Variants in SESN3 observed in about 807,000 individuals in gnomAD.
The protein encoded by SESN3 is sestrin 3.
A neutral mutation model predicts 55.3 loss-of-function variants in SESN3; 21 were observed. That is an observed-to-expected ratio of 0.38 (90% CI 0.27 to 0.55). The LOEUF (loss-of-function observed/expected upper bound fraction) is 0.55. Ranked by LOEUF, SESN3 falls within the 20% of genes least tolerant of loss-of-function variation. The probability of loss-of-function intolerance (pLI) is 0.76; values close to 1 mark genes in which losing one functional copy is unlikely to be tolerated. For missense variants in SESN3, 408 were observed against 604.3 expected (o/e 0.68, Z 3.41); for synonymous variants, 181 against 203.1 (o/e 0.89, Z 0.93).
Position 95,165,748 on chromosome 11 carries a change from GACTC to G in SESN3, c.*7503_*7506del, listed in dbSNP as rs1859732759. Reference sequence around the variant, plus strand: ...CCTTTATTTCAGATGTGTTTGTCTTGACTCACTAACAGTTCCTTCTGCATCTGTC... The same window carrying G: ...CCTTTATTTCAGATGTGTTTGTCTTGACTAACAGTTCCTTCTGCATCTGTC... On this transcript the variant is annotated 3_prime_UTR_variant, in exon 10 of 10. Transcript: ENST00000536441. The G allele has an allele frequency of 6.6e-6, 1 of 152,088 alleles. No homozygotes were observed. Among genetic ancestry groups the G allele is most frequent in the Admixed American group, 6.5e-5 (1 of 15,274 alleles). The allele number at this position is 152,088 out of a possible 1,614,324, so 9.4% of individuals were successfully genotyped here.
At chr11:95,189,453 T>A (rs1860226485) in intron 4 of SESN3, among the ~76,000 whole-genome samples, 1 of 151,964 alleles carries the variant, frequency 6.6e-6, no homozygotes, top group South Asian at 2.1e-4. Flanking sequence ...CCATAGAAGT[T>A]AATTTACTAA....
chr11:95,197,352 C>G (rs1860379780), intron 1 of SESN3, among the ~76,000 whole-genome samples: 1 of 152,050 alleles, frequency 6.6e-6, no homozygotes, highest in Non-Finnish European at 1.5e-5. Flanking sequence ...CTGAGATTCT[C>G]CCTATGTAAT....
In SESN3 at chr11:95,167,975, A is replaced by G. The variant is rs1723516815; in HGVS notation, c.*5280T>C. ...CCCATGGAACATTTTTTTTCCTCCC[A>G]TAAGAACAGGATAGGAACAGAGGTT... On this transcript the variant is annotated 3_prime_UTR_variant, in exon 10 of 10. Coordinates refer to ENST00000536441, the MANE Select transcript of SESN3 (RefSeq NM_144665.4). 2 of 152,138 alleles carry G rather than the reference A, an allele frequency of 1.3e-5. No homozygotes were observed. Among genetic ancestry groups the G allele is most frequent in the African/African-American group, 4.8e-5 (2 of 41,428 alleles). 9.4% of individuals were successfully genotyped at this position (152,138 alleles called of 1,614,324 possible). A position where few individuals can be genotyped will look rare whatever the true frequency, so the allele number is the denominator to read the frequency against.
rs7930087 is a variant in SESN3, at chr11:95,170,647, T to A, written c.*2608A>T. On this transcript the variant is annotated 3_prime_UTR_variant, in exon 10 of 10. Coordinates refer to ENST00000536441, the MANE Select transcript of SESN3 (RefSeq NM_144665.4). Reference sequence around the variant, plus strand: ...ACCGCATCAGAATTTCAAGTTTGCATTGGATAAAGAGAGTTAACAGCAAAC... The same window carrying A: ...ACCGCATCAGAATTTCAAGTTTGCAATGGATAAAGAGAGTTAACAGCAAAC... 2.0e-5 allele frequency: 3 copies of A among 152,152 alleles called. No individual in the cohort carries two copies. Among genetic ancestry groups the A allele is most frequent in the Non-Finnish European group, 1.5e-5 (1 of 67,998 alleles). The allele number at this position is 152,152 out of a possible 1,614,324, so 9.4% of individuals were successfully genotyped here.
At chr11:95,181,443 A>C (rs1860057011) in intron 6 of SESN3, among the ~76,000 whole-genome samples, 1 of 152,140 alleles carries the variant, frequency 6.6e-6, no homozygotes, top group Non-Finnish European at 1.5e-5. Context: ...AGTTAAAATT[A>C]GCATTCTGAT....
At chr11:95,205,365 T>A (rs1860528650) in intron 1 of SESN3, among the ~76,000 whole-genome samples, 1 of 152,142 alleles carries the variant, frequency 6.6e-6, no homozygotes, top group Non-Finnish European at 1.5e-5. Flanking sequence ...ATATGAGCTA[T>A]TAGTAGGCTA....
At chr11:95,208,624 CA>C (rs1000567694) in intron 1 of SESN3, among the ~76,000 whole-genome samples, 20 of 151,284 alleles carry the variant, frequency 1.3e-4, no homozygotes, top group African/African-American at 4.4e-4. Flanking sequence ...TGATCCTAAG[CA>C]AAAAGAGCAA....
chr11:95,186,178 C>G lies in SESN3; in HGVS notation c.526-686G>C, dbSNP rs536687385. Among the ~76,000 whole-genome samples the G allele has an allele frequency of 9.1e-5, 11 of 120,506 alleles. No individual in the cohort carries two copies. In the East Asian group the frequency reaches 2.6e-3, roughly 29 times the overall value. The allele number at this position is 120,506 out of a possible 152,430, so 79.1% of individuals were successfully genotyped here. ...CGGTGTTCATTTTCTCTCCCTTTCTCTCTCTCTATCTCTCACTGTGTGTGT... is the reference window on the plus strand; with the variant it reads ...CGGTGTTCATTTTCTCTCCCTTTCTGTCTCTCTATCTCTCACTGTGTGTGT... On this transcript the variant is annotated intron_variant, in intron 4 of 9. Coordinates refer to ENST00000536441, the MANE Select transcript of SESN3 (RefSeq NM_144665.4).
chr11:95,221,494 T>C (rs753357062), intron 1 of SESN3, among the ~76,000 whole-genome samples: 1 of 152,210 alleles, frequency 6.6e-6, no homozygotes, highest in African/African-American at 2.4e-5. Context: ...AAATAAAATA[T>C]GTATCTAGAA....
intron 2 of SESN3, among the ~76,000 whole-genome samples, chr11:95,193,221 C>G (rs1223200805): frequency 6.6e-6 from 1 of 152,040 alleles, no homozygotes; most frequent in Non-Finnish European, 1.5e-5. Flanking sequence ...ACTGTTGACT[C>G]TGGCAATGAT....
intron 1 of SESN3, among the ~76,000 whole-genome samples, chr11:95,212,259 T>C (rs947736512): frequency 7.2e-5 from 11 of 152,132 alleles, no homozygotes; most frequent in African/African-American, 2.7e-4. Context: ...CATAATAATC[T>C]ATTAACCTCT....
chr11:95,182,048 A>C (rs1298169258), intron 6 of SESN3: 1 of 236,590 alleles, frequency 4.2e-6, no homozygotes, highest in East Asian at 1.3e-4. Context: ...TAAAATTAGA[A>C]CATAATTTTT....
chr11:95,188,007 C>A (rs1255000983), intron 4 of SESN3, among the ~76,000 whole-genome samples: 5 of 139,572 alleles, frequency 3.6e-5, no homozygotes, highest in Non-Finnish European at 7.8e-5. Flanking sequence ...CTATGTATCT[C>A]CCATGGCTTA....
chr11:95,202,938 TGAAAA>T (rs1344784979), intron 1 of SESN3, among the ~76,000 whole-genome samples: 1 of 152,052 alleles, frequency 6.6e-6, no homozygotes, highest in Non-Finnish European at 1.5e-5. Context: ...CTCAATTAGA[TGAAAA>T]GAAACTAAAA....
In SESN3 at chr11:95,191,413, A is replaced by G. The variant is rs757841024; in HGVS notation, c.333T>C (p.Ile111=). 6 of 1,611,518 alleles carry G rather than the reference A, an allele frequency of 3.7e-6. No homozygotes were observed. Among genetic ancestry groups the G allele is most frequent in the African/African-American group, 1.3e-5 (1 of 74,796 alleles). ...GAAAATAAGCACCCACCATTATTGC[A>G]ATATAGTGCCTGTATGGTAGAGGAA... ...GPLPLPYRHY[I]AIMAAARHQC... Residue 111 remains isoleucine (I), a synonymous_variant, in exon 3 of 10, where the codon ATT becomes ATC. Coordinates refer to ENST00000536441, the MANE Select transcript of SESN3 (RefSeq NM_144665.4).
intron 1 of SESN3, among the ~76,000 whole-genome samples, chr11:95,218,113 T>C (rs1419509708): frequency 6.6e-6 from 1 of 152,244 alleles, no homozygotes; most frequent in Non-Finnish European, 1.5e-5. Context: ...ACCACTATGC[T>C]AATGTTGGTT....
intron 4 of SESN3, among the ~76,000 whole-genome samples, chr11:95,186,535 T>C (rs544700637): frequency 1.1e-4 from 16 of 151,946 alleles, no homozygotes; most frequent in African/African-American, 3.6e-4. Context: ...GAATAAATTC[T>C]AGTGTTCCAT....
At position 95,170,718 on chromosome 11, in the gene SESN3, G is replaced by A. The variant is rs145907933; in HGVS notation, c.*2537C>T. On this transcript the variant is annotated 3_prime_UTR_variant, in exon 10 of 10. Transcript: ENST00000536441. Reference sequence around the variant, plus strand: ...CAACCTGAAATGCTGTGCATGCTGCGTATTAGTAGGTGCTTTAGCACCTGC... The same window carrying A: ...CAACCTGAAATGCTGTGCATGCTGCATATTAGTAGGTGCTTTAGCACCTGC... 19 of 152,282 alleles carry A rather than the reference G, an allele frequency of 1.2e-4. No homozygotes were observed. Among genetic ancestry groups the A allele is most frequent in the East Asian group, 5.8e-4 (3 of 5,178 alleles). The allele number at this position is 152,282 out of a possible 1,614,324, so 9.4% of individuals were successfully genotyped here. A position where few individuals can be genotyped will look rare whatever the true frequency, so the allele number is the denominator to read the frequency against.
intron 1 of SESN3, among the ~76,000 whole-genome samples, chr11:95,217,688 T>C (rs1860785899): frequency 6.6e-6 from 1 of 151,356 alleles, no homozygotes; most frequent in African/African-American, 2.4e-5. Context: ...TCAATCCTCA[T>C]TTCAAAGGAA....
Sources: allele counts gnomAD v4.1 joint callset (sites outside exome capture counted in the v4.1 genomes callset), GRCh38; gene constraint gnomAD v4.1.1; transcripts MANE v1.5; gene names NCBI Gene and HGNC (gene_info 2026-07-23, HGNC 2026-07-21).